The following SACS variants were observed in gnomAD, a reference collection of about 807,000 sequenced individuals.
The protein encoded by SACS is sacsin.
A neutral mutation model predicts 348.0 loss-of-function variants in SACS; 197 were observed. The ratio of observed to expected loss-of-function variants is 0.57; its 90% CI spans 0.50 to 0.64. SACS has a LOEUF of 0.64. Among genes scored for constraint, SACS ranks in the 30% least tolerant of loss-of-function variants. SACS has a pLI of 0.00. For synonymous variants in SACS, 1,985 were observed against 1,910.6 expected (o/e 1.04, Z -1.02); for missense variants, 4,999 against 5,360.8 (o/e 0.93, Z 2.11).
intron 2 of SACS, among the ~76,000 whole-genome samples, chr13:23,386,661 CTT>C (rs1872299762): frequency 6.6e-6 from 1 of 152,232 alleles, no homozygotes; most frequent in South Asian, 2.1e-4. Flanking sequence ...GCATTCACAA[CTT>C]GACTGTTTGT....
At position 23,334,151 on chromosome 13, in the gene SACS, G is replaced by A; in HGVS notation, c.9725C>T (p.Ser3242Phe). ...TKWKDNFASE[S>F]WLKNAWHFIS... is the part of the protein sequence containing the mutation. ...AAAATGCCATGCATTCTTAAGCCAA[G>A]ACTCACTTGCAAAATTGTCTTTCCA... Residue 3242 changes from serine (S) to phenylalanine (F), a missense_variant, in exon 10 of 10, where the codon TCT (serine) becomes TTT (phenylalanine). By Grantham distance (155) the Ser-to-Phe change is radical. This residue lies in a region of SACS where 734 missense variants were observed against 694.0 expected (regional missense o/e 1.06). Transcript: ENST00000382292. 2 of 1,613,844 alleles carry A rather than the reference G, an allele frequency of 1.2e-6. No individual in the cohort carries two copies. Among genetic ancestry groups the A allele is most frequent in the Non-Finnish European group, 1.7e-6 (2 of 1,179,826 alleles).
In SACS at chr13:23,337,246, A is replaced by G. The variant is rs1176194817; in HGVS notation, c.6630T>C (p.Tyr2210=). Reference sequence around the variant, plus strand: ...GAAATGGAAGGAAGCGGATTGTTTGATATTTTGCAGCAAAATCCTTTGCTC... The same window carrying G: ...GAAATGGAAGGAAGCGGATTGTTTGGTATTTTGCAGCAAAATCCTTTGCTC... ...DPRAKDFAAK[Y]QTIRFLPFLT... is the part of the protein sequence containing the mutation. The change falls in exon 10 of 10, where the codon TAT becomes TAC. Residue 2210 remains tyrosine, a synonymous_variant. Coordinates refer to ENST00000382292, the MANE Select transcript of SACS (RefSeq NM_014363.6). 6.2e-7 allele frequency: 1 copy of G among 1,613,940 alleles called. No individual in the cohort carries two copies. The highest frequency in any genetic ancestry group is 1.1e-5 in the South Asian group (1 of 91,072).
chr13:23,420,011 C>T (rs1183285367), intron 1 of SACS, among the ~76,000 whole-genome samples: 1 of 145,924 alleles, frequency 6.9e-6, no homozygotes, highest in Non-Finnish European at 1.5e-5. Flanking sequence ...TCCCCAGGGA[C>T]CTAGGTATCC....
Position 23,340,947 on chromosome 13 carries a change from G to A in SACS, c.2929C>T (p.Leu977=), listed in dbSNP as rs146296924. 1.7e-4 allele frequency: 267 copies of A among 1,614,048 alleles called. No individual in the cohort carries two copies. Among genetic ancestry groups the A allele is most frequent in the Admixed American group, 3.3e-4 (20 of 60,030 alleles). The change falls in exon 10 of 10, where the codon CTG becomes TTG. Residue 977 remains leucine (L), a synonymous_variant. Coordinates refer to ENST00000382292, the MANE Select transcript of SACS (RefSeq NM_014363.6). ...IDSSDEATIR[L]ANMLKIEQLK... ...TGTTCTATTTTCAACATGTTTGCCA[G>A]ACGAATAGTAGCTTCATCACTACTG...
Position 23,358,369 on chromosome 13 carries a change from A to T in SACS, c.570T>A (p.Phe190Leu), listed in dbSNP as rs901419211. 5 of 1,614,228 alleles carry T rather than the reference A, an allele frequency of 3.1e-6. No homozygotes were observed. The highest frequency in any genetic ancestry group is 1.3e-5 in the African/African-American group (1 of 75,074). Residue 190 changes from phenylalanine (F) to leucine (L), a missense_variant, in exon 7 of 10, where the codon TTT (phenylalanine) becomes TTA (leucine). Transcript: ENST00000382292. ...GATAGACAGAATTAAACCCAATTCCAAATCTTCCGACCTTCAGAGGATCAT... is the reference window on the plus strand; with the variant it reads ...GATAGACAGAATTAAACCCAATTCCTAATCTTCCGACCTTCAGAGGATCAT... ...KKDDPLKVGR[F>L]GIGFNSVYHI...
Position 23,334,779 on chromosome 13 carries a change from C to T in SACS, c.9097G>A (p.Asp3033Asn), listed in dbSNP as rs753368800. ...GCATTTTTAAGGTGTTGTAATTCAT[C>T]CTGTAGTAAATTGTCAAAAAATGGT... is the stretch of plus-strand genomic sequence containing the variant. ...TRPFFDNLLQ[D>N]ELQHLKNADY... The change falls in exon 10 of 10, where the codon GAT becomes AAT. Residue 3033 changes from aspartate (D) to asparagine (N), a missense_variant. By Grantham distance (23) the Asp-to-Asn change is conservative. This residue lies in a region of SACS where 734 missense variants were observed against 694.0 expected (regional missense o/e 1.06). Transcript: ENST00000382292. 1.9e-6 allele frequency: 3 copies of T among 1,613,672 alleles called. No individual in the cohort carries two copies. In the South Asian group the frequency reaches 3.3e-5, roughly 18 times the overall value.
At chr13:23,390,869 CA>C (rs1872504854) in intron 2 of SACS, among the ~76,000 whole-genome samples, 1 of 152,206 alleles carries the variant, frequency 6.6e-6, no homozygotes, top group African/African-American at 2.4e-5. Context: ...GCCCCTCATT[CA>C]GGTGTTTACA....
rs1868639570 is a variant in SACS at position 23,336,721 on chromosome 13, A to G, written c.7155T>C (p.Leu2385=). The change falls in exon 10 of 10, where the codon CTT becomes CTC. Residue 2385 remains leucine (L), a synonymous_variant. Transcript: ENST00000382292. ...PNKYKNNFRE[L]FETVGVRQSC... is the part of the protein sequence containing the mutation. ...ACTGCCTCACACCCACGGTTTCAAA[A>G]AGTTCGCGGAAATTATTTTTATACT... 6.2e-7 allele frequency: 1 copy of G among 1,613,750 alleles called. No individual in the cohort carries two copies. The highest frequency in any genetic ancestry group is 1.1e-5 in the South Asian group (1 of 91,064).
At position 23,369,882 on chromosome 13, in the gene SACS, G is replaced by A. The variant is rs143865587; in HGVS notation, c.259+1196C>T. ...ACTTCTTTTTTTTTTTTTTTGAGAC[G>A]GAGTCTTGCACTGTCTCCTGGGCTG... On this transcript the variant is annotated intron_variant, in intron 4 of 9. Coordinates refer to ENST00000382292, the MANE Select transcript of SACS (RefSeq NM_014363.6). Among the ~76,000 whole-genome samples, 228 of 146,160 alleles carry A rather than the reference G, an allele frequency of 1.6e-3. 1 individual carries two copies. Among genetic ancestry groups the A allele is most frequent in the African/African-American group, 4.0e-3 (159 of 39,362 alleles).
intron 4 of SACS, among the ~76,000 whole-genome samples, chr13:23,370,153 C>T (rs1395758133): frequency 6.6e-6 from 1 of 152,210 alleles, no homozygotes; most frequent in African/African-American, 2.4e-5. Flanking sequence ...CCACCACACC[C>T]GGCCCCCACT....
chr13:23,355,841 G>A lies in SACS; in HGVS notation c.771C>T (p.Thr257=), dbSNP rs2137728294. ...FAPFVGIFGS[T]KETFINGNFP... ...AATTGCCGTTTATAAATGTTTCCTT[G>A]GTGCTTCCAAAAATGCCAACAAATG... Residue 257 remains threonine, a synonymous_variant, in exon 8 of 10, where the codon ACC becomes ACT. Transcript: ENST00000382292. The A allele has an allele frequency of 6.2e-7, 1 of 1,614,150 alleles. No homozygotes were observed. The highest frequency in any genetic ancestry group is 1.1e-5 in the South Asian group (1 of 91,078).
At chr13:23,424,747 A>G in intron 1 of SACS, among the ~76,000 whole-genome samples, 1 of 152,200 alleles carries the variant, frequency 6.6e-6, no homozygotes, top group Admixed American at 6.5e-5. Context: ...TCAACATATG[A>G]ACGTCCAGTA....
intron 5 of SACS, among the ~76,000 whole-genome samples, chr13:23,367,329 G>A (rs1238455055): frequency 1.3e-5 from 2 of 152,174 alleles, no homozygotes; most frequent in Non-Finnish European, 2.9e-5. Flanking sequence ...TCCTCAGTGA[G>A]TGCCTACCTG....
In SACS at chr13:23,334,877, T is replaced by C. The variant is rs749404305; in HGVS notation, c.8999A>G (p.Asn3000Ser). ...KRLLPVVRAP[N>S]IDGSDLHSAV... ...AGAGTGCAAGTCAGAGCCATCAATA[T>C]TTGGAGCCCGCACAACAGGTAAAAG... The change falls in exon 10 of 10, where the codon AAT becomes AGT. Residue 3000 changes from asparagine to serine, a missense_variant. Asn to Ser is a conservative substitution (Grantham distance 46, BLOSUM62 1). Around this residue, in one of 6 missense-constraint regions of SACS, gnomAD observed 734 missense variants for 694.0 expected, o/e 1.06. Coordinates refer to ENST00000382292, the MANE Select transcript of SACS (RefSeq NM_014363.6). The C allele has an allele frequency of 6.8e-6, 11 of 1,613,884 alleles. No homozygotes were observed. In the South Asian group the frequency reaches 1.2e-4, roughly 18 times the overall value.
At chr13:23,406,350 G>A (rs543998153) in intron 2 of SACS, among the ~76,000 whole-genome samples, 43 of 151,932 alleles carry the variant, frequency 2.8e-4, no homozygotes, top group African/African-American at 9.4e-4. Flanking sequence ...GGACACGGTG[G>A]GGGGAAACAC....
At chr13:23,385,044 G>A (rs1015747642) in intron 2 of SACS, among the ~76,000 whole-genome samples, 3 of 151,976 alleles carry the variant, frequency 2.0e-5, no homozygotes, top group Admixed American at 6.6e-5. Flanking sequence ...GGCAGATCAC[G>A]AGGTCAGGAG....
rs1168227480 is a variant in SACS, at chr13:23,365,197, A to C, written c.426T>G (p.Thr142=). The C allele has an allele frequency of 1.2e-6, 2 of 1,612,736 alleles. No individual in the cohort carries two copies. The highest frequency in any genetic ancestry group is 1.7e-5 in the Admixed American group (1 of 59,912). Residue 142 remains threonine (T), a synonymous_variant, in exon 6 of 10, where the codon ACT becomes ACG. Coordinates refer to ENST00000382292, the MANE Select transcript of SACS (RefSeq NM_014363.6). Reference sequence around the variant, plus strand: ...ATGGCGCCATATCTTTTGACCAAAGAGTCTCTGTTCCGTATTGAGTTTCAT... The same window carrying C: ...ATGGCGCCATATCTTTTGACCAAAGCGTCTCTGTTCCGTATTGAGTTTCAT... ...LYDETQYGTE[T]LWSKDMAPYQ...
chr13:23,355,630 T>G lies in SACS; in HGVS notation c.982A>C (p.Lys328Gln), dbSNP rs749995757. The change falls in exon 8 of 10, where the codon AAA (lysine) becomes CAA (glutamine). Residue 328 changes from lysine (K) to glutamine (Q), a missense_variant. By Grantham distance (53) the Lys-to-Gln change is moderately conservative (BLOSUM62 1). Coordinates refer to ENST00000382292, the MANE Select transcript of SACS (RefSeq NM_014363.6). ...CTCGAAGTCACTCTAAACACCAGTT[T>G]CTCTGTTCCGTCAGCCTCTCGGACA... The part of the protein sequence containing the change: ...LYVREADGTE[K>Q]LVFRVTSSES... 1 of 1,614,150 alleles carries G rather than the reference T, an allele frequency of 6.2e-7. No homozygotes were observed. The highest frequency in any genetic ancestry group is 8.5e-7 in the Non-Finnish European group (1 of 1,180,036).
chr13:23,345,191 C>A (rs1321895207), intron 9 of SACS, among the ~76,000 whole-genome samples: 1 of 152,138 alleles, frequency 6.6e-6, no homozygotes, highest in East Asian at 1.9e-4. Flanking sequence ...CTAACAATGC[C>A]CTACTGAGCA....
Sources: allele counts gnomAD v4.1 joint callset (sites outside exome capture counted in the v4.1 genomes callset), GRCh38; gene constraint gnomAD v4.1.1; regional missense constraint gnomAD v4.1.1; transcripts MANE v1.5; gene names NCBI Gene and HGNC (gene_info 2026-07-23, HGNC 2026-07-21).